Variants in ZMIZ1 observed in about 807,000 individuals in gnomAD.
ZMIZ1 encodes the protein zinc finger MIZ-type containing 1.
ZMIZ1 carries 17 observed loss-of-function variants against 113.9 expected under a neutral mutation model. That is an observed-to-expected ratio of 0.15 (90% CI 0.10 to 0.22). ZMIZ1 has a LOEUF of 0.22. Among genes scored for constraint, ZMIZ1 ranks in the 10% least tolerant of loss-of-function variants. The probability of loss-of-function intolerance (pLI) is 1.00; values close to 1 mark genes in which losing one functional copy is unlikely to be tolerated. For missense variants in ZMIZ1, 1,059 were observed against 1,477.8 expected (o/e 0.72, Z 4.65); for synonymous variants, 607 against 603.1 (o/e 1.01, Z -0.09).
chr10:79,260,881 AAC>A (rs2131901267), intron 7 of ZMIZ1, among the ~76,000 whole-genome samples: 2 of 152,324 alleles, frequency 1.3e-5, no homozygotes, highest in Admixed American at 1.3e-4. Flanking sequence ...AACCTCTCTG[AAC>A]ACTAGTTTCC....
chr10:79,192,841 C>T (rs934995732), intron 4 of ZMIZ1, among the ~76,000 whole-genome samples: 4 of 152,214 alleles, frequency 2.6e-5, no homozygotes, highest in African/African-American at 9.6e-5. Context: ...CAATGACTCA[C>T]GCTGGCCCGA....
chr10:79,109,916 A>T (rs1480642263), intron 1 of ZMIZ1, among the ~76,000 whole-genome samples: 1 of 152,276 alleles, frequency 6.6e-6, no homozygotes, highest in African/African-American at 2.4e-5. Flanking sequence ...CATCTGTAAG[A>T]TGGCAATAAT....
chr10:79,224,417 G>T (rs947568350), intron 7 of ZMIZ1, among the ~76,000 whole-genome samples: 1 of 152,124 alleles, frequency 6.6e-6, no homozygotes, highest in Non-Finnish European at 1.5e-5. Flanking sequence ...TTTTCCTAGC[G>T]CAGCCCTCTC....
chr10:79,135,859 T>G (rs1232482333), intron 2 of ZMIZ1, among the ~76,000 whole-genome samples: 4 of 152,236 alleles, frequency 2.6e-5, no homozygotes, highest in Non-Finnish European at 4.4e-5. Context: ...CAGCCGGCAG[T>G]GAGCCCAGTT....
intron 1 of ZMIZ1, among the ~76,000 whole-genome samples, chr10:79,088,142 G>A (rs1842871777): frequency 6.6e-6 from 1 of 152,264 alleles, no homozygotes; most frequent in Admixed American, 6.5e-5. Context: ...GCCAAAGCCA[G>A]AGAGATGGCT....
chr10:79,142,964 G>A lies in ZMIZ1; in HGVS notation c.-131+3187G>A, dbSNP rs1044739699. On this transcript the variant is annotated intron_variant, in intron 3 of 24. Transcript: ENST00000334512. ...GAACCTTCCCAGGCCGCGAGTGAGTGTCAGAGCACCTGCTCCCAGTTAGGG... is the reference window on the plus strand; with the variant it reads ...GAACCTTCCCAGGCCGCGAGTGAGTATCAGAGCACCTGCTCCCAGTTAGGG... 2.6e-5 allele frequency among the ~76,000 whole-genome samples: 4 copies of A among 152,326 alleles called. No individual in the cohort carries two copies. The Middle Eastern group carries it at 0.014, about 518-fold the overall frequency.
At chr10:79,225,170 G>A (rs1458962149) in intron 7 of ZMIZ1, among the ~76,000 whole-genome samples, 1 of 152,170 alleles carries the variant, frequency 6.6e-6, no homozygotes, top group Non-Finnish European at 1.5e-5. Flanking sequence ...CACCCACAGT[G>A]CCTGCAACAA....
At chr10:79,227,826 A>C (rs1245509452) in intron 7 of ZMIZ1, among the ~76,000 whole-genome samples, 5 of 152,180 alleles carry the variant, frequency 3.3e-5, no homozygotes, top group Non-Finnish European at 5.9e-5. Flanking sequence ...AGGTGGGGTA[A>C]ATGGGGTCTC....
chr10:79,106,309 G>A (rs1176532905), intron 1 of ZMIZ1, among the ~76,000 whole-genome samples: 1 of 152,256 alleles, frequency 6.6e-6, no homozygotes, highest in Non-Finnish European at 1.5e-5. Flanking sequence ...GGGACATCAA[G>A]TGCTGTAGGT....
intron 2 of ZMIZ1, among the ~76,000 whole-genome samples, chr10:79,138,585 A>T (rs1413760653): frequency 6.6e-6 from 1 of 152,196 alleles, no homozygotes; most frequent in East Asian, 1.9e-4. Context: ...GCTGCAGCAC[A>T]CCATGGCTCT....
chr10:79,078,953 C>T (rs1842571018), intron 1 of ZMIZ1, among the ~76,000 whole-genome samples: 1 of 152,176 alleles, frequency 6.6e-6, no homozygotes. Flanking sequence ...CAGCTCCATC[C>T]AGCGGATGGT....
intron 3 of ZMIZ1, among the ~76,000 whole-genome samples, chr10:79,154,919 T>C (rs1010331800): frequency 7.2e-5 from 11 of 152,216 alleles, no homozygotes; most frequent in African/African-American, 2.7e-4. Flanking sequence ...GTGATAATAA[T>C]GACTTATGGC....
chr10:79,190,367 G>A (rs1227709237), intron 4 of ZMIZ1, among the ~76,000 whole-genome samples: 1 of 152,148 alleles, frequency 6.6e-6, no homozygotes, highest in African/African-American at 2.4e-5. Flanking sequence ...CCACAGTGGG[G>A]CCTTCAAGGC....
At chr10:79,199,505 CA>C (rs200025729) in intron 4 of ZMIZ1, among the ~76,000 whole-genome samples, 19 of 142,496 alleles carry the variant, frequency 1.3e-4, no homozygotes, top group East Asian at 4.0e-4. Context: ...AACTCCATCT[CA>C]AAAAAAAAAA....
In ZMIZ1 at chr10:79,313,600, C is replaced by G. The variant is rs1438183144; in HGVS notation, c.*851C>G. The G allele has an allele frequency of 9.3e-6, 2 of 214,816 alleles. No homozygotes were observed. 13.3% of individuals were successfully genotyped at this position (214,816 alleles called of 1,614,324 possible). The stretch of plus-strand genomic sequence containing the variant: ...TGATTGTGCCCTTGGTTGGGGGGCG[C>G]GGGCATATAACCTGTCAGAAGCAAA... On this transcript the variant is annotated 3_prime_UTR_variant, in exon 25 of 25. Transcript: ENST00000334512.
chr10:79,242,544 C>T (rs1183937372), intron 7 of ZMIZ1, among the ~76,000 whole-genome samples: 1 of 135,138 alleles, frequency 7.4e-6, no homozygotes, highest in Non-Finnish European at 1.5e-5. Flanking sequence ...GCCCCGCCCT[C>T]CCCTCCCCTC....
intron 5 of ZMIZ1, among the ~76,000 whole-genome samples, chr10:79,204,566 C>T (rs1448435324): frequency 6.6e-6 from 1 of 152,196 alleles, no homozygotes; most frequent in African/African-American, 2.4e-5. Flanking sequence ...GAGCTATGGG[C>T]CCTGTAGGAA....
intron 1 of ZMIZ1, among the ~76,000 whole-genome samples, chr10:79,082,359 A>C (rs959061834): frequency 6.6e-6 from 1 of 152,216 alleles, no homozygotes; most frequent in South Asian, 2.1e-4. Flanking sequence ...GGTCCTCAGG[A>C]GCCCACCTGA....
chr10:79,220,551 T>G (rs1299380486), intron 7 of ZMIZ1, among the ~76,000 whole-genome samples: 2 of 152,214 alleles, frequency 1.3e-5, no homozygotes, highest in African/African-American at 4.8e-5. Flanking sequence ...CTGGGCCACC[T>G]GTCCGCCCTC....
Sources: gnomAD v4.1 joint callset for allele counts (sites outside exome capture counted in the v4.1 genomes callset) on GRCh38, gnomAD v4.1.1 for gene constraint, MANE v1.5 for transcripts, NCBI Gene and HGNC (gene_info 2026-07-23, HGNC 2026-07-21) for gene names.